Variants in IQCM observed in about 807,000 individuals in gnomAD.
The protein encoded by IQCM is IQ motif containing M, also known as IQ domain-containing protein M.
In IQCM, 45 loss-of-function variants were observed where a neutral mutation model predicts 57.6. The observed-to-expected ratio is 0.78, with a 90% CI of 0.62 to 1.00. The LOEUF (loss-of-function observed/expected upper bound fraction) is 1.00. Among genes scored for constraint, IQCM ranks in the 50% least tolerant of loss-of-function variants. The pLI is 0.00. For synonymous variants in IQCM, 148 were observed against 158.9 expected, an observed-to-expected ratio of 0.93 and a Z score of 0.51; for missense variants, 468 against 511.6, an observed-to-expected ratio of 0.91 and a Z score of 0.82.
intron 12 of IQCM, among the ~76,000 whole-genome samples, chr4:149,464,665 G>A (rs1738656615): frequency 6.6e-6 from 1 of 152,032 alleles, no homozygotes; most frequent in Non-Finnish European, 1.5e-5. Context: ...GCTTGACCTA[G>A]GGGATCTACA....
At chr4:149,375,203 T>C (rs1211283883) in intron 13 of IQCM, among the ~76,000 whole-genome samples, 3 of 152,088 alleles carry the variant, frequency 2.0e-5, no homozygotes, top group Non-Finnish European at 4.4e-5. Flanking sequence ...GGGAAGAATA[T>C]CAGAAGGGTA....
intron 7 of IQCM, among the ~76,000 whole-genome samples, chr4:149,647,933 G>A (rs72726169): frequency 0.21 from 32,176 of 151,902 alleles, 4,256 homozygotes; most frequent in Non-Finnish European, 0.28. Context: ...CTACTCTTTT[G>A]TATTTCTTTC....
chr4:149,470,771 T>A (rs1739437602), intron 12 of IQCM, among the ~76,000 whole-genome samples: 1 of 152,178 alleles, frequency 6.6e-6, no homozygotes. Flanking sequence ...AAACTGTCTC[T>A]CAGACCACAG....
At chr4:149,630,914 C>T (rs983174796) in intron 7 of IQCM, among the ~76,000 whole-genome samples, 1 of 152,018 alleles carries the variant, frequency 6.6e-6, no homozygotes, top group African/African-American at 2.4e-5. Flanking sequence ...TAAAGTTGAC[C>T]TTTGGTTGAT....
intron 12 of IQCM, among the ~76,000 whole-genome samples, chr4:149,491,197 GTGTA>G (rs1234913692): frequency 6.6e-6 from 1 of 151,880 alleles, no homozygotes; most frequent in Non-Finnish European, 1.5e-5. Flanking sequence ...TGTACATATT[GTGTA>G]TGTGTTGTTT....
At chr4:149,535,033 T>G (rs540244843) in intron 12 of IQCM, among the ~76,000 whole-genome samples, 224 of 152,162 alleles carry the variant, frequency 1.5e-3, no homozygotes, top group African/African-American at 5.1e-3. Context: ...TATTGAGCAA[T>G]GCATAATGTA....
chr4:149,538,526 T>G (rs1747529953), intron 12 of IQCM, among the ~76,000 whole-genome samples: 1 of 151,840 alleles, frequency 6.6e-6, no homozygotes, highest in Admixed American at 6.6e-5. Flanking sequence ...ATGACAGACA[T>G]AAATGTAGCA....
intron 12 of IQCM, among the ~76,000 whole-genome samples, chr4:149,463,114 T>C (rs1475954298): frequency 2.0e-5 from 3 of 152,182 alleles, no homozygotes; most frequent in Non-Finnish European, 4.4e-5. Flanking sequence ...AAAAAGACAT[T>C]CGCATTATAT....
rs1760890615 is a variant in IQCM at position 149,667,997 on chromosome 4, C to T, written c.565+14121G>A. Among the ~76,000 whole-genome samples the T allele has an allele frequency of 2.0e-5, 3 of 152,080 alleles. No individual in the cohort carries two copies. In the East Asian group the frequency reaches 5.8e-4, roughly 30 times the overall value. On this transcript the variant is annotated intron_variant, in intron 7 of 13. Transcript: ENST00000636793. ...GGAAGAATGGAATCAAGTTGGAAAACACTCTTCAGGATATTATCCAGGAGA... is the reference window on the plus strand; with the variant it reads ...GGAAGAATGGAATCAAGTTGGAAAATACTCTTCAGGATATTATCCAGGAGA...
intron 10 of IQCM, among the ~76,000 whole-genome samples, chr4:149,554,261 T>C (rs903350573): frequency 7.9e-5 from 12 of 152,180 alleles, no homozygotes; most frequent in South Asian, 2.1e-4. Flanking sequence ...TAGTAAGTTG[T>C]ATCATTGGTT....
At chr4:149,489,743 A>T (rs1741888035) in intron 12 of IQCM, among the ~76,000 whole-genome samples, 1 of 151,864 alleles carries the variant, frequency 6.6e-6, no homozygotes, top group Admixed American at 6.6e-5. Context: ...GGGCTCAAGG[A>T]TATCTCTATA....
chr4:149,401,920 A>G (rs977158367), intron 13 of IQCM, among the ~76,000 whole-genome samples: 12 of 151,832 alleles, frequency 7.9e-5, no homozygotes, highest in Non-Finnish European at 1.5e-4. Flanking sequence ...TTAAACATTA[A>G]TTATATTTTT....
intron 13 of IQCM, among the ~76,000 whole-genome samples, chr4:149,402,614 T>C (rs1453880049): frequency 6.6e-6 from 1 of 151,766 alleles, no homozygotes; most frequent in Non-Finnish European, 1.5e-5. Context: ...ACAATGTTCC[T>C]TTTTTTGTGA....
chr4:149,805,209 G>T (rs1215280036), intron 2 of IQCM, among the ~76,000 whole-genome samples: 1 of 151,972 alleles, frequency 6.6e-6, no homozygotes, highest in East Asian at 1.9e-4. Flanking sequence ...CTCTTGCTAT[G>T]TAGTTTTTAA....
chr4:149,662,580 A>G (rs1760321941), intron 7 of IQCM, among the ~76,000 whole-genome samples: 1 of 152,008 alleles, frequency 6.6e-6, no homozygotes, highest in Admixed American at 6.6e-5. Context: ...TTATATATTT[A>G]GGAGCTTTGG....
At chr4:149,556,666 A>G (rs1201835197) in intron 10 of IQCM, among the ~76,000 whole-genome samples, 1 of 152,240 alleles carries the variant, frequency 6.6e-6, no homozygotes. Context: ...TAAAAATTGA[A>G]CATTCTAAAT....
At chr4:149,619,738 G>C (rs931154826) in intron 8 of IQCM, among the ~76,000 whole-genome samples, 4 of 152,152 alleles carry the variant, frequency 2.6e-5, no homozygotes, top group African/African-American at 9.7e-5. Context: ...TTCATATGTA[G>C]AAGTTCAAAC....
chr4:149,412,247 C>T (rs879391179), intron 13 of IQCM, among the ~76,000 whole-genome samples: 2 of 152,124 alleles, frequency 1.3e-5, no homozygotes, highest in Admixed American at 6.6e-5. Context: ...AAGTACAAGC[C>T]CAGGCCACCC....
chr4:149,720,181 G>A (rs1765330452), intron 5 of IQCM, among the ~76,000 whole-genome samples: 1 of 152,142 alleles, frequency 6.6e-6, no homozygotes, highest in Non-Finnish European at 1.5e-5. Flanking sequence ...GAAAACCTCT[G>A]CAAGTCACCA....
Sources: allele counts gnomAD v4.1 joint callset (sites outside exome capture counted in the v4.1 genomes callset), GRCh38; gene constraint gnomAD v4.1.1; transcripts MANE v1.5; gene names NCBI Gene and HGNC (gene_info 2026-07-23, HGNC 2026-07-21).